BCKDHB: variants seen among roughly 807,000 people sequenced by gnomAD.
The protein encoded by BCKDHB is branched chain keto acid dehydrogenase E1 subunit beta.
A neutral mutation model predicts 48.5 loss-of-function variants in BCKDHB; 41 were observed. The observed-to-expected ratio is 0.85, with a 90% confidence interval of 0.66 to 1.10. The LOEUF is 1.10. BCKDHB is among the 50% of genes least tolerant of loss of function. The pLI is 0.00. For missense variants in BCKDHB, 496 were observed against 494.2 expected, an observed-to-expected ratio of 1.00 and a Z score of -0.03; for synonymous variants, 201 against 174.8, an observed-to-expected ratio of 1.15 and a Z score of -1.18.
chr6:80,377,187 C>T, the BCKDHB span, among the ~76,000 whole-genome samples: 3 of 151,708 alleles, frequency 2.0e-5, no homozygotes, highest in Admixed American at 1.3e-4. Context: ...TTTACAGGTG[C>T]CCACCACCAC....
the BCKDHB span, among the ~76,000 whole-genome samples, chr6:80,389,835 T>C: frequency 6.6e-6 from 1 of 152,254 alleles, no homozygotes; most frequent in African/African-American, 2.4e-5. Context: ...ATAGTACTGT[T>C]TCTCCTATAA....
the BCKDHB span, among the ~76,000 whole-genome samples, chr6:80,392,545 A>T: frequency 6.6e-6 from 1 of 151,674 alleles, no homozygotes; most frequent in Non-Finnish European, 1.5e-5. Flanking sequence ...AAGAGTTTGT[A>T]TGCTCCTTAT....
intron 8 of BCKDHB, among the ~76,000 whole-genome samples, chr6:80,260,792 A>G (rs1022265844): frequency 6.6e-6 from 1 of 152,224 alleles, no homozygotes; most frequent in African/African-American, 2.4e-5. Context: ...ATATTTGGGA[A>G]GGCCGGAATG....
chr6:80,330,838 T>C (rs1053252763), intron 9 of BCKDHB, among the ~76,000 whole-genome samples: 4 of 151,954 alleles, frequency 2.6e-5, no homozygotes, highest in Non-Finnish European at 4.4e-5. Context: ...CCAATTTTTT[T>C]TCTGCCCAGA....
chr6:80,230,766 G>C (rs1411211572), intron 8 of BCKDHB, among the ~76,000 whole-genome samples: 1 of 152,148 alleles, frequency 6.6e-6, no homozygotes, highest in Non-Finnish European at 1.5e-5. Context: ...GGAAAAGAGA[G>C]CACGTGCAAG....
Position 80,150,993 on chromosome 6 carries a change from G to T in BCKDHB, c.344-16685G>T, listed in dbSNP as rs200793198. ...TGTTATATTATGCCATTTTTAATAAGCTTGTTAAGCATCACTTGGATGATA... is the reference window on the plus strand; with the variant it reads ...TGTTATATTATGCCATTTTTAATAATCTTGTTAAGCATCACTTGGATGATA... On this transcript the variant is annotated intron_variant, in intron 3 of 9. Transcript: ENST00000320393. Among the ~76,000 whole-genome samples the T allele has an allele frequency of 3.9e-5, 6 of 152,164 alleles. No homozygotes were observed. The South Asian group carries it at 6.2e-4, about 16-fold the overall frequency.
the BCKDHB span, among the ~76,000 whole-genome samples, chr6:80,389,286 A>G: frequency 6.6e-6 from 1 of 152,178 alleles, no homozygotes; most frequent in Non-Finnish European, 1.5e-5. Context: ...GCTCAGCAAC[A>G]TTTACTTCCA....
intron 1 of BCKDHB, among the ~76,000 whole-genome samples, chr6:80,123,378 A>G (rs1394990870): frequency 6.6e-6 from 1 of 152,182 alleles, no homozygotes; most frequent in Non-Finnish European, 1.5e-5. Context: ...TTAAATGTCC[A>G]TGAAATTTTC....
At position 80,346,082 on chromosome 6, in the gene BCKDHB, A is replaced by G. The variant is rs1380303766; in HGVS notation, c.*2278A>G. ...AAAGAGAGTTTTTATTAAGTGAACC[A>G]TCACGATATTGGCTGAAAAGTTCTA... is the stretch of plus-strand genomic sequence containing the variant. On this transcript the variant is annotated 3_prime_UTR_variant, in exon 10 of 10. Transcript: ENST00000320393. The G allele has an allele frequency of 6.6e-6, 1 of 152,162 alleles. No individual in the cohort carries two copies. The highest frequency in any genetic ancestry group is 1.5e-5 in the Non-Finnish European group (1 of 68,020). 9.4% of individuals were successfully genotyped at this position (152,162 alleles called of 1,614,324 possible). A position where few individuals can be genotyped will look rare whatever the true frequency, so the allele number is the denominator to read the frequency against.
intron 3 of BCKDHB, among the ~76,000 whole-genome samples, chr6:80,138,877 C>T (rs1472786324): frequency 2.0e-5 from 3 of 152,222 alleles, no homozygotes; most frequent in Non-Finnish European, 4.4e-5. Context: ...GGAATCGCCA[C>T]ACTGACTTCC....
At chr6:80,182,428 G>T (rs1442691016) in intron 6 of BCKDHB, among the ~76,000 whole-genome samples, 1 of 152,094 alleles carries the variant, frequency 6.6e-6, no homozygotes, top group Non-Finnish European at 1.5e-5. Context: ...ATCTATTTTT[G>T]ATCATTAGCT....
At chr6:80,245,375 GA>G (rs919118600) in intron 8 of BCKDHB, among the ~76,000 whole-genome samples, 55 of 148,498 alleles carry the variant, frequency 3.7e-4, no homozygotes, top group Non-Finnish European at 4.5e-4. Flanking sequence ...CTTTCAATAG[GA>G]AAAAAAAAAT....
chr6:80,363,639 T>A, the BCKDHB span, among the ~76,000 whole-genome samples: 2 of 152,222 alleles, frequency 1.3e-5, no homozygotes, highest in African/African-American at 4.8e-5. Flanking sequence ...TCATACATAC[T>A]TTATTGTCAT....
downstream of BCKDHB, among the ~76,000 whole-genome samples, chr6:80,349,910 G>A (rs116779525): frequency 6.4e-3 from 974 of 152,166 alleles, 12 homozygotes; most frequent in African/African-American, 0.022. Flanking sequence ...TATATACATA[G>A]TAGAATAGAA....
the BCKDHB span, among the ~76,000 whole-genome samples, chr6:80,420,191 G>T: frequency 6.6e-6 from 1 of 152,118 alleles, no homozygotes; most frequent in South Asian, 2.1e-4. Flanking sequence ...ACTTTATTTT[G>T]TTCCTTTGGT....
At chr6:80,404,985 A>G in the BCKDHB span, among the ~76,000 whole-genome samples, 294 of 152,150 alleles carry the variant, frequency 1.9e-3, 3 homozygotes, top group Non-Finnish European at 8.5e-4. Flanking sequence ...AGAATATTCC[A>G]TGTGTTCTTG....
the BCKDHB span, among the ~76,000 whole-genome samples, chr6:80,383,258 G>T: frequency 6.6e-6 from 1 of 151,798 alleles, no homozygotes; most frequent in Non-Finnish European, 1.5e-5. Flanking sequence ...GTAGTAAATT[G>T]TTTTTTTCTT....
At chr6:80,245,088 T>A (rs1425231336) in intron 8 of BCKDHB, among the ~76,000 whole-genome samples, 2 of 151,452 alleles carry the variant, frequency 1.3e-5, no homozygotes, top group East Asian at 3.9e-4. Context: ...CTTCTGTGAT[T>A]TTTTTTTTAG....
At chr6:80,211,885 T>C (rs1189686436) in intron 8 of BCKDHB, among the ~76,000 whole-genome samples, 1 of 152,066 alleles carries the variant, frequency 6.6e-6, no homozygotes, top group African/African-American at 2.4e-5. Context: ...AATCAGCAAG[T>C]TTTTTATTTA....
Sources: allele counts gnomAD v4.1 joint callset (sites outside exome capture counted in the v4.1 genomes callset), GRCh38; gene constraint gnomAD v4.1.1; transcripts MANE v1.5; gene names NCBI Gene and HGNC (gene_info 2026-07-23, HGNC 2026-07-21).